Variants in SPTBN5 observed in about 807,000 individuals in gnomAD.
SPTBN5 encodes spectrin beta chain, non-erythrocytic 5.
Under a neutral mutation model 477.6 loss-of-function variants are expected in SPTBN5, and 513 were observed. The ratio of observed to expected loss-of-function variants is 1.07; its 90% CI spans 1.00 to 1.16. SPTBN5 has a LOEUF of 1.16. SPTBN5 is among the 50% of genes most tolerant of loss of function. The pLI is 0.00. For synonymous variants in SPTBN5, 2,169 were observed against 2,011.7 expected (o/e 1.08, Z -2.09); for missense variants, 5,062 against 4,731.8 (o/e 1.07, Z -2.05).
In SPTBN5 at chr15:41,855,443, C is replaced by T. The variant is rs760182154; in HGVS notation, c.9219-15G>A. On this transcript the variant is annotated splice_polypyrimidine_tract_variant and intron_variant, in intron 54 of 67. Coordinates refer to ENST00000320955, the MANE Select transcript of SPTBN5 (RefSeq NM_016642.4). ...GCACCTTGGGGCTGTGGGAAGAGAG[C>T]GACAGTCTGGACTGCAGCCCTGCCT... is the stretch of plus-strand genomic sequence containing the variant. 1.7e-5 allele frequency: 27 copies of T among 1,597,412 alleles called. No individual in the cohort carries two copies. Among genetic ancestry groups the T allele is most frequent in the Middle Eastern group, 1.7e-4 (1 of 6,040 alleles).
Position 41,855,236 on chromosome 15 carries a change from C to T in SPTBN5, c.9411G>A (p.Leu3137=), listed in dbSNP as rs766564015. 1.2e-6 allele frequency: 2 copies of T among 1,611,650 alleles called. No individual in the cohort carries two copies. Residue 3137 remains leucine (L), a synonymous_variant, in exon 55 of 68, where the codon CTG becomes CTA. Coordinates refer to ENST00000320955, the MANE Select transcript of SPTBN5 (RefSeq NM_016642.4). ...AGGAGTAACTCACCTTGACACCCTC[C>T]AGGTCCTGCCCGTAGTCCTGGGACT... ...TAESQDYGQD[L]EGVKVLEEKF...
At position 41,862,904 on chromosome 15, in the gene SPTBN5, C is replaced by G. The variant is rs1339399267; in HGVS notation, c.7150-1G>C. ...AGTCCAGGGCCTGGATCAGGGCTTCCTGGAGGAGGGGCACGGCCAGTTACC... is the reference window on the plus strand; with the variant it reads ...AGTCCAGGGCCTGGATCAGGGCTTCGTGGAGGAGGGGCACGGCCAGTTACC... On this transcript the variant is annotated splice_acceptor_variant, in intron 41 of 67. Transcript: ENST00000320955. LOFTEE classifies it high-confidence loss of function. The G allele has an allele frequency of 6.4e-7, 1 of 1,570,336 alleles. No individual in the cohort carries two copies. Among genetic ancestry groups the G allele is most frequent in the South Asian group, 1.2e-5 (1 of 85,124 alleles).
In SPTBN5 at chr15:41,859,000, A is replaced by G; in HGVS notation, c.7989-20T>C. 1 of 1,513,664 alleles carries G rather than the reference A, an allele frequency of 6.6e-7. No individual in the cohort carries two copies. Among genetic ancestry groups the G allele is most frequent in the Non-Finnish European group, 8.8e-7 (1 of 1,131,196 alleles). 93.8% of individuals were successfully genotyped at this position (1,513,664 alleles called of 1,614,324 possible). ...TCCTTCCTGCCAGGAGGAGAGGCTCATGGGCCTGGAGCCACCCCCGGGGCC... is the reference window on the plus strand; with the variant it reads ...TCCTTCCTGCCAGGAGGAGAGGCTCGTGGGCCTGGAGCCACCCCCGGGGCC... On this transcript the variant is annotated intron_variant, in intron 47 of 67. Transcript: ENST00000320955.
Position 41,855,276 on chromosome 15 carries a change from T to C in SPTBN5, c.9371A>G (p.Lys3124Arg), listed in dbSNP as rs1401596209. ...TLLLDAWLTT[K>R]AATAESQDYG... ...GTCCTGGGACTCGGCGGTGGCCGCCTTGGTGGTCAGCCAGGCGTCGAGGAG... is the reference window on the plus strand; with the variant it reads ...GTCCTGGGACTCGGCGGTGGCCGCCCTGGTGGTCAGCCAGGCGTCGAGGAG... Residue 3124 changes from lysine to arginine, a missense_variant, in exon 55 of 68, where the codon AAG becomes AGG. Lys to Arg is a conservative substitution (Grantham distance 26). Transcript: ENST00000320955. 3.7e-6 allele frequency: 6 copies of C among 1,612,430 alleles called. No homozygotes were observed. The highest frequency in any genetic ancestry group is 3.4e-6 in the Non-Finnish European group (4 of 1,179,776).
chr15:41,878,467 T>C lies in SPTBN5; in HGVS notation c.3345A>G (p.Leu1115=), dbSNP rs2066823243. 1.2e-6 allele frequency: 2 copies of C among 1,613,532 alleles called. No homozygotes were observed. Among genetic ancestry groups the C allele is most frequent in the Non-Finnish European group, 1.7e-6 (2 of 1,179,852 alleles). ...QSFLQESQQL[L]LWAESVQAQL... is the part of the protein sequence containing the mutation. Reference sequence around the variant, plus strand: ...GAGCCTGGACACTCTCTGCCCACAGTAGCAGTTGCTGGCTCTCTTGCAGGA... The same window carrying C: ...GAGCCTGGACACTCTCTGCCCACAGCAGCAGTTGCTGGCTCTCTTGCAGGA... Residue 1115 remains leucine (L), a synonymous_variant, in exon 17 of 68, where the codon CTA becomes CTG. Coordinates refer to ENST00000320955, the MANE Select transcript of SPTBN5 (RefSeq NM_016642.4).
rs755407526 is a variant in SPTBN5 at position 41,866,421 on chromosome 15, G to A, written c.6553C>T (p.Leu2185=). 6.2e-7 allele frequency: 1 copy of A among 1,611,734 alleles called. No homozygotes were observed. The highest frequency in any genetic ancestry group is 2.2e-5 in the East Asian group (1 of 44,830). ...PVPPGDLRDK[L]KPLLKHQAFE... ...GCCTGGTGTTTCAGCAGGGGCTTCAGCTTATCTCTCAGGTCCCCAGGAGGG... is the reference window on the plus strand; with the variant it reads ...GCCTGGTGTTTCAGCAGGGGCTTCAACTTATCTCTCAGGTCCCCAGGAGGG... The change falls in exon 37 of 68, where the codon CTG becomes TTG. Residue 2185 remains leucine (L), a synonymous_variant. Coordinates refer to ENST00000320955, the MANE Select transcript of SPTBN5 (RefSeq NM_016642.4).
In SPTBN5 at chr15:41,885,723, G is replaced by T; in HGVS notation, c.1520+12C>A. On this transcript the variant is annotated intron_variant, in intron 7 of 67. Transcript: ENST00000320955. The stretch of plus-strand genomic sequence containing the variant: ...AGCCAGCTGTGGGGAGAGTTCATGT[G>T]CTGGGGCTCACCTGCGGGCCACATC... 1 of 1,548,940 alleles carries T rather than the reference G, an allele frequency of 6.5e-7. No homozygotes were observed.
rs899477837 is a variant in SPTBN5, at chr15:41,876,242, C to A, written c.3994G>T (p.Glu1332Ter). Residue 1332 changes from glutamate to a stop codon, truncating the protein, a stop_gained, in exon 21 of 68, where the codon GAG becomes TAG. Transcript: ENST00000320955. LOFTEE classifies it high-confidence loss of function. ...DVAELMQWMEEKGLMAAHEPS... is the reference protein window; with the variant it reads ...DVAELMQWME ...TCATGCGCAGCCATCAGCCCCTTCT[C>A]TTCCATCCACTGCATCAGCTCTGCC... The A allele has an allele frequency of 1.3e-6, 2 of 1,597,196 alleles. No homozygotes were observed. Among genetic ancestry groups the A allele is most frequent in the East Asian group, 2.2e-5 (1 of 44,628 alleles).
Position 41,852,221 on chromosome 15 carries a change from C to G in SPTBN5, c.10545G>C (p.Gln3515His). ...TCTCAGCCAGCTGTGCTCCTAGCCCCTGGTGTCCAGAGGGCCTCCACTGAA... is the reference window on the plus strand; with the variant it reads ...TCTCAGCCAGCTGTGCTCCTAGCCCGTGGTGTCCAGAGGGCCTCCACTGAA... ...TSFQWRPSGH[Q>H]GLGAQLAETR... The change falls in exon 62 of 68, where the codon CAG becomes CAC. Residue 3515 changes from glutamine to histidine, a missense_variant. Coordinates refer to ENST00000320955, the MANE Select transcript of SPTBN5 (RefSeq NM_016642.4). The G allele has an allele frequency of 8.7e-6, 14 of 1,608,930 alleles. No homozygotes were observed. Among genetic ancestry groups the G allele is most frequent in the Non-Finnish European group, 1.0e-5 (12 of 1,176,898 alleles).
rs750593455 is a variant in SPTBN5, at chr15:41,876,960, G to C, written c.3712-12C>G. ...TCCCTCACGTCCTCCTGGGAGTGCA[G>C]AGACCTGAGGTCATGCCTGGGAGAA... On this transcript the variant is annotated splice_polypyrimidine_tract_variant and intron_variant, in intron 18 of 67. Transcript: ENST00000320955. 7 of 1,601,202 alleles carry C rather than the reference G, an allele frequency of 4.4e-6. No individual in the cohort carries two copies. The highest frequency in any genetic ancestry group is 2.1e-4 in the Middle Eastern group (1 of 4,776).
chr15:41,879,686 G>C, intron 15 of SPTBN5, 48 bp downstream of exon 15: 1 of 1,608,288 alleles, frequency 6.2e-7, no homozygotes, highest in Non-Finnish European at 8.5e-7. Flanking sequence ...CCCAGGCTGG[G>C]CACTGTGTCT....
chr15:41,873,811 C>T (rs754255222), intron 25 of SPTBN5, 34 bp downstream of exon 25: 2 of 1,604,726 alleles, frequency 1.2e-6, no homozygotes, highest in South Asian at 1.1e-5. Context: ...CTGACTTCTG[C>T]CTCTTCCCCC....
At chr15:41,855,130 C>CTT in intron 55 of SPTBN5, 94 bp downstream of exon 55, 2 of 1,474,122 alleles carry the variant, frequency 1.4e-6, no homozygotes, top group South Asian at 2.7e-5. Flanking sequence ...CTCCAGGCTC[C>CTT]TTTCTGCTGA....
chr15:41,851,316 CAG>C lies in SPTBN5; in HGVS notation c.10708_10709del (p.Leu3570GlufsTer6), dbSNP rs1567179376. ...CCATCCTCTCATCCAGGAACAGGCT[CAG>C]AGAGCTGCCCTGCAAGTTCCCGCGG... ...SCRGNLQGSS[L>X]SLFLDERMAA... is the part of the protein sequence containing the mutation. On this transcript the variant is annotated frameshift_variant, in exon 64 of 68. Coordinates refer to ENST00000320955, the MANE Select transcript of SPTBN5 (RefSeq NM_016642.4). LOFTEE classifies it high-confidence loss of function. 10 of 1,551,136 alleles carry C rather than the reference CAG, an allele frequency of 6.4e-6. No homozygotes were observed. The South Asian group carries it at 7.1e-5, about 11-fold the overall frequency.
At chr15:41,856,663 T>C in intron 52 of SPTBN5, 65 bp from the exon 53 acceptor site, 6 of 1,462,638 alleles carry the variant, frequency 4.1e-6, no homozygotes, top group Non-Finnish European at 3.6e-6. Flanking sequence ...ACAGTTGTGC[T>C]TGAAGTTTCA....
intron 32 of SPTBN5, 131 bp from the exon 33 acceptor site, chr15:41,868,732 G>T: frequency 2.5e-6 from 2 of 799,834 alleles, no homozygotes; most frequent in African/African-American, 1.7e-5. Flanking sequence ...AGGGCCTCGG[G>T]TGAGGCACAT....
intron 7 of SPTBN5, 133 bp from the exon 8 acceptor site, chr15:41,883,619 C>T: frequency 3.9e-6 from 4 of 1,015,010 alleles, no homozygotes; most frequent in Non-Finnish European, 4.3e-6. Context: ...GGTCTATGGA[C>T]TCTGACAGCA....
At chr15:41,868,692 C>T in intron 32 of SPTBN5, 91 bp from the exon 33 acceptor site, 1 of 1,362,666 alleles carries the variant, frequency 7.3e-7, no homozygotes, top group South Asian at 1.3e-5. Flanking sequence ...CCACCTGAGT[C>T]CACTCACACA....
In SPTBN5 at chr15:41,868,051, G is replaced by A; in HGVS notation, c.6207+18C>T. 1 of 1,590,374 alleles carries A rather than the reference G, an allele frequency of 6.3e-7. No homozygotes were observed. The highest frequency in any genetic ancestry group is 8.5e-7 in the Non-Finnish European group (1 of 1,173,532). On this transcript the variant is annotated intron_variant, in intron 34 of 67. Coordinates refer to ENST00000320955, the MANE Select transcript of SPTBN5 (RefSeq NM_016642.4). ...GAGCAGGAGGCTGAGCGGAGTGTGA[G>A]GGCGGGAGGGGACCTGCCTCCTGGG...
Sources: gnomAD v4.1 joint callset for allele counts on GRCh38, gnomAD v4.1.1 for gene constraint, MANE v1.5 for transcripts, NCBI Gene and HGNC (gene_info 2026-07-23, HGNC 2026-07-21) for gene names.